Variants in CAPRIN2 observed in about 807,000 individuals in gnomAD.
CAPRIN2 encodes the protein caprin-2.
Under a neutral mutation model 130.4 loss-of-function variants are expected in CAPRIN2, and 66 were observed. That is an observed-to-expected ratio of 0.51 (90% CI 0.42 to 0.62). The LOEUF is 0.62. Among genes scored for constraint, CAPRIN2 ranks in the 20% least tolerant of loss-of-function variants. CAPRIN2 has a pLI of 0.00. For synonymous variants in CAPRIN2, 471 were observed against 444.1 expected (o/e 1.06, Z -0.76); for missense variants, 1,185 against 1,246.6 (o/e 0.95, Z 0.74).
rs80250153 is a variant in CAPRIN2 at position 30,710,689 on chromosome 12, C to T, written c.2666-219G>A. 0.046 allele frequency among the ~76,000 whole-genome samples: 7,059 copies of T among 152,240 alleles called. 543 individuals carry two copies. Among genetic ancestry groups the T allele is most frequent in the African/African-American group, 0.16 (6,670 of 41,532 alleles). On this transcript the variant is annotated intron_variant, in intron 16 of 16. Coordinates refer to ENST00000298892, the Ensembl canonical transcript of CAPRIN2. The surrounding 1 kb of genome is among the most constrained non-coding windows in gnomAD (Gnocchi z 4.8). The stretch of plus-strand genomic sequence containing the variant: ...AAAGGTCCAAGATAATCTTGTCTAA[C>T]TGATCCTTTTTTAAGATTAAGAAAA...
At chr12:30,720,532 G>GA (rs1278066003) in intron 12 of CAPRIN2, 1 of 235,022 alleles carries the variant, frequency 4.3e-6, no homozygotes, top group African/African-American at 2.3e-5. Context: ...AAATATAGTG[G>GA]AAAACTTGAC....
At chr12:30,725,830 A>C in intron 9 of CAPRIN2, 136 bp downstream of exon 10, 3 of 610,586 alleles carry the variant, frequency 4.9e-6, no homozygotes, top group Non-Finnish European at 7.3e-6. Context: ...AATTTGCCTA[A>C]ACTCCAGGCT....
At chr12:30,735,193 T>C in exon 4 of CAPRIN2, 1 of 1,614,068 alleles carries the variant, frequency 6.2e-7, no homozygotes, top group Non-Finnish European at 8.5e-7. Flanking sequence ...GGCCTTCTTT[T>C]GCGCTTTTAG....
chr12:30,719,353 G>T, intron 12 of CAPRIN2, 128 bp from the exon 14 acceptor site: 1 of 1,048,744 alleles, frequency 9.5e-7, no homozygotes, highest in Non-Finnish European at 1.4e-6. Context: ...GAATGCAAAA[G>T]AATAGCTTTT....
intron 12 of CAPRIN2, among the ~76,000 whole-genome samples, chr12:30,717,822 T>C (rs187041777): frequency 6.6e-6 from 1 of 152,122 alleles, no homozygotes; most frequent in African/African-American, 2.4e-5. Context: ...ACTCTCTAGC[T>C]CCCTGATTCT....
At chr12:30,750,033 C>A (rs866441680) in intron 2 of CAPRIN2, among the ~76,000 whole-genome samples, 2 of 152,116 alleles carry the variant, frequency 1.3e-5, no homozygotes, top group African/African-American at 4.8e-5. Context: ...TATTTACACA[C>A]AAAAAAGTTT....
Position 30,710,455 on chromosome 12 carries a change from G to C in CAPRIN2, c.2681C>G (p.Ser894Cys). 3 of 1,614,034 alleles carry C rather than the reference G, an allele frequency of 1.9e-6. No homozygotes were observed. The highest frequency in any genetic ancestry group is 2.5e-6 in the Non-Finnish European group (3 of 1,179,944). Residue 894 changes from serine (S) to cysteine (C), a missense_variant, in exon 17 of 17, where the codon TCT becomes TGT. Ser to Cys is a moderately radical substitution (Grantham distance 112). This residue lies in a region of CAPRIN2 where 1,104 missense variants were observed against 1,104.3 expected (regional missense o/e 1.00). Transcript: ENST00000298892. The surrounding 1 kb of genome is among the most constrained non-coding windows in gnomAD (Gnocchi z 4.8). ...TCTTTCTGGGCTGCTCACCTGAGAAGAATCACTCCACCCTGCTGTTTTATT... is the reference window on the plus strand; with the variant it reads ...TCTTTCTGGGCTGCTCACCTGAGAACAATCACTCCACCCTGCTGTTTTATT...
At chr12:30,729,064 C>T in exon 8 of CAPRIN2, 2 of 1,614,180 alleles carry the variant, frequency 1.2e-6, no homozygotes, top group Non-Finnish European at 1.7e-6. Context: ...TTCTTCTGCT[C>T]TTCCGGCAGA....
chr12:30,731,534 A>C, intron 5 of CAPRIN2, 24 bp from the exon 7 acceptor site: 1 of 1,587,448 alleles, frequency 6.3e-7, no homozygotes, highest in East Asian at 2.2e-5. Context: ...ATTAAGACTT[A>C]ATTGTCACAT....
At position 30,728,780 on chromosome 12, in the gene CAPRIN2, G is replaced by C. The variant is rs375090243; in HGVS notation, c.1650C>G (p.Asn550Lys). ...AAGAGTGTTTTTGACTCTCAACATT[G>C]TTTTCCCAGGATTTTGGAGTCTCTG... Residue 550 changes from asparagine (N) to lysine (K), a missense_variant, in exon 8 of 17, where the codon AAC becomes AAG. Transcript: ENST00000298892. The C allele has an allele frequency of 6.2e-6, 10 of 1,613,930 alleles. No individual in the cohort carries two copies. The African/African-American group carries it at 1.3e-4, about 22-fold the overall frequency.
chr12:30,735,687 C>G (rs1592171241), intron 3 of CAPRIN2, among the ~76,000 whole-genome samples: 1 of 152,186 alleles, frequency 6.6e-6, no homozygotes, highest in East Asian at 1.9e-4. Context: ...AAAATGTCTT[C>G]CAAGTGTAAT....
Position 30,733,669 on chromosome 12 carries a change from G to T in CAPRIN2, c.852C>A (p.Asp284Glu), listed in dbSNP as rs139521217. The change falls in exon 5 of 17, where the codon GAC (aspartate) becomes GAA (glutamate). Residue 284 changes from aspartate to glutamate, a missense_variant. Asp to Glu is a conservative substitution (Grantham distance 45). Coordinates refer to ENST00000298892, the Ensembl canonical transcript of CAPRIN2. Reference sequence around the variant, plus strand: ...CTGCTTTCTCACTACCTTCCAAAAGGTCCCAAAAGTACAAGGATGACTGCT... The same window carrying T: ...CTGCTTTCTCACTACCTTCCAAAAGTTCCCAAAAGTACAAGGATGACTGCT... The T allele has an allele frequency of 1.9e-6, 3 of 1,613,304 alleles. No individual in the cohort carries two copies. The Admixed American group carries it at 5.0e-5, about 27-fold the overall frequency.
intron 12 of CAPRIN2, 193 bp from the exon 14 acceptor site, chr12:30,719,418 C>T (rs1323590143): frequency 5.0e-6 from 3 of 598,582 alleles, no homozygotes; most frequent in African/African-American, 3.7e-5. Context: ...TTGCTTTGCA[C>T]AGCTTGCTGA....
chr12:30,747,159 C>T (rs2070952832), intron 2 of CAPRIN2, among the ~76,000 whole-genome samples: 1 of 152,158 alleles, frequency 6.6e-6, no homozygotes, highest in South Asian at 2.1e-4. Context: ...TGATAGCACA[C>T]CTTCTTACAG....
intron 3 of CAPRIN2, among the ~76,000 whole-genome samples, chr12:30,736,432 A>C (rs1460648092): frequency 6.6e-6 from 1 of 151,626 alleles, no homozygotes; most frequent in East Asian, 1.9e-4. Context: ...TTTCCTATAG[A>C]TGGGTCAAAG....
At chr12:30,725,832 C>T in intron 9 of CAPRIN2, 134 bp downstream of exon 10, 1 of 638,480 alleles carries the variant, frequency 1.6e-6, no homozygotes, top group Non-Finnish European at 2.3e-6. Context: ...TTTGCCTAAA[C>T]TCCAGGCTAG....
chr12:30,727,828 C>A (rs1353586983), intron 8 of CAPRIN2, among the ~76,000 whole-genome samples: 2 of 152,150 alleles, frequency 1.3e-5, no homozygotes, highest in Non-Finnish European at 2.9e-5. Flanking sequence ...TAATTCAAAT[C>A]CTTCCCCCAA....
chr12:30,741,904 A>G (rs191527030), intron 2 of CAPRIN2, among the ~76,000 whole-genome samples: 27 of 152,290 alleles, frequency 1.8e-4, no homozygotes, highest in Non-Finnish European at 2.2e-4. Flanking sequence ...AATATCCAGC[A>G]ACTGGTAAGT....
exon 3 of CAPRIN2, chr12:30,741,055 C>T (rs749750269): frequency 6.2e-7 from 1 of 1,611,732 alleles, no homozygotes; most frequent in Non-Finnish European, 8.5e-7. Context: ...TTTTGAAGCT[C>T]CTTGGCAAAT....
Sources: gnomAD v4.1 joint callset for allele counts (sites outside exome capture counted in the v4.1 genomes callset) on GRCh38, gnomAD v4.1.1 for gene constraint, gnomAD v4.1.1 regional missense constraint, Gnocchi (gnomAD v3.1) non-coding constraint, MANE v1.5 for transcripts, NCBI Gene and HGNC (gene_info 2026-07-23, HGNC 2026-07-21) for gene names.